The following RNF24 variants were observed in gnomAD, a reference collection of about 807,000 sequenced individuals.
RNF24 encodes the protein ring finger protein 24.
In RNF24, 14 loss-of-function variants were observed where a neutral mutation model predicts 20.0. That is an observed-to-expected ratio of 0.70 (90% CI 0.46 to 1.10). The LOEUF is 1.10. Among genes scored for constraint, RNF24 ranks in the 50% least tolerant of loss-of-function variants. The pLI, the probability that RNF24 is intolerant of heterozygous loss-of-function variation, is 0.00. For synonymous variants in RNF24, 45 were observed against 61.1 expected (o/e 0.74, Z 1.23); for missense variants, 124 against 177.6 (o/e 0.70, Z 1.71).
intron 1 of RNF24, among the ~76,000 whole-genome samples, chr20:4,008,653 TTC>T (rs751600255): frequency 2.7e-5 from 4 of 147,872 alleles, no homozygotes; most frequent in South Asian, 4.2e-4. Flanking sequence ...GTTCAAGCAA[TTC>T]TCTGTCTCAG....
intron 1 of RNF24, among the ~76,000 whole-genome samples, chr20:3,992,596 T>C (rs1327711938): frequency 1.3e-5 from 2 of 152,162 alleles, no homozygotes; most frequent in Non-Finnish European, 2.9e-5. Flanking sequence ...CAATTAGTTA[T>C]AGAATAATTT....
At chr20:3,964,751 C>G (rs1408749435) in intron 1 of RNF24, among the ~76,000 whole-genome samples, 1 of 152,108 alleles carries the variant, frequency 6.6e-6, no homozygotes, top group Non-Finnish European at 1.5e-5. Flanking sequence ...CTCGTGGGCT[C>G]AAGCAATCAT....
rs1391472591 is a variant in RNF24, at chr20:4,012,492, T to C, written c.-8+2945A>G. Among the ~76,000 whole-genome samples, 4 of 151,678 alleles carry C rather than the reference T, an allele frequency of 2.6e-5. No homozygotes were observed. In the East Asian group the frequency reaches 7.7e-4, roughly 29 times the overall value. Reference sequence around the variant, plus strand: ...AGAGAATGCTCAATGGAAAAATAAATTACTTTTTATTATGAGACATTACTG... The same window carrying C: ...AGAGAATGCTCAATGGAAAAATAAACTACTTTTTATTATGAGACATTACTG... On this transcript the variant is annotated intron_variant, in intron 1 of 5. Transcript: ENST00000358395.
intron 1 of RNF24, among the ~76,000 whole-genome samples, chr20:3,984,454 C>T (rs558317681): frequency 6.6e-6 from 1 of 152,174 alleles, no homozygotes; most frequent in East Asian, 1.9e-4. Flanking sequence ...TGAGCCTCAG[C>T]ACCTAAGCTG....
intron 2 of RNF24, among the ~76,000 whole-genome samples, chr20:3,958,085 T>C (rs1325040632): frequency 6.6e-6 from 1 of 152,220 alleles, no homozygotes; most frequent in Non-Finnish European, 1.5e-5. Context: ...GGGGCTGTGA[T>C]GTATGCAAGC....
Position 3,930,482 on chromosome 20 carries a change from A to G in RNF24, c.*3581T>C, listed in dbSNP as rs3746667. The G allele has an allele frequency of 0.035, 5,321 of 152,264 alleles. 257 individuals carry two copies. Among genetic ancestry groups the G allele is most frequent in the East Asian group, 0.24 (1,221 of 5,150 alleles). 9.4% of individuals were successfully genotyped at this position (152,264 alleles called of 1,614,324 possible). A position where few individuals can be genotyped will look rare whatever the true frequency, so the allele number is the denominator to read the frequency against. On this transcript the variant is annotated 3_prime_UTR_variant, in exon 6 of 6. Coordinates refer to ENST00000358395, the MANE Select transcript of RNF24 (RefSeq NM_001134337.3). ...CTCTGGGCACCAGCTAACCCCCACA[A>G]GAGGTGCCAGGGACGTTACTACAAT...
At chr20:3,986,815 A>AT (rs1032786442) in intron 1 of RNF24, among the ~76,000 whole-genome samples, 1 of 150,710 alleles carries the variant, frequency 6.6e-6, no homozygotes, top group Non-Finnish European at 1.5e-5. Context: ...TGCCCAGCTA[A>AT]TTTTTTTGCA....
At chr20:3,969,163 A>G (rs2091288894) in intron 1 of RNF24, among the ~76,000 whole-genome samples, 1 of 152,192 alleles carries the variant, frequency 6.6e-6, no homozygotes, top group African/African-American at 2.4e-5. Context: ...CACTTAGAAC[A>G]GTACCTGGGC....
chr20:3,975,306 C>CA (rs1600678794), intron 1 of RNF24, among the ~76,000 whole-genome samples: 1 of 151,908 alleles, frequency 6.6e-6, no homozygotes, highest in African/African-American at 2.4e-5. Flanking sequence ...GATACAGTTA[C>CA]AAAAAACCTA....
intron 1 of RNF24, among the ~76,000 whole-genome samples, chr20:4,007,445 GA>G (rs73616156): frequency 6.7e-6 from 1 of 150,106 alleles, no homozygotes; most frequent in Non-Finnish European, 1.5e-5. Context: ...TGTTTCAAAA[GA>G]AAAAAAAATC....
intron 1 of RNF24, among the ~76,000 whole-genome samples, chr20:3,992,144 T>C (rs114986359): frequency 3.0e-3 from 450 of 152,308 alleles, no homozygotes; most frequent in African/African-American, 1.0e-2. Flanking sequence ...TCAATAACAG[T>C]TGGCTTTTTA....
chr20:3,995,926 C>A (rs953041127), intron 1 of RNF24, among the ~76,000 whole-genome samples: 4 of 151,872 alleles, frequency 2.6e-5, no homozygotes, highest in Non-Finnish European at 5.9e-5. Context: ...TTTCATTAGC[C>A]CTGAAAGCTC....
chr20:3,984,644 T>C (rs887008994), intron 1 of RNF24, among the ~76,000 whole-genome samples: 1 of 152,234 alleles, frequency 6.6e-6, no homozygotes, highest in Non-Finnish European at 1.5e-5. Context: ...GGTTCAAAAA[T>C]CTTTTATCTT....
intron 2 of RNF24, among the ~76,000 whole-genome samples, chr20:3,950,054 C>T (rs2091064355): frequency 6.6e-6 from 1 of 152,194 alleles, no homozygotes. Flanking sequence ...CCCCACTGCA[C>T]TGCAGTGACA....
chr20:3,974,047 G>A (rs796256866), intron 1 of RNF24, among the ~76,000 whole-genome samples: 20 of 150,024 alleles, frequency 1.3e-4, no homozygotes, highest in Middle Eastern at 3.4e-3. Flanking sequence ...CAAGAGATGC[G>A]GGGCTGGCTT....
intron 4 of RNF24, among the ~76,000 whole-genome samples, chr20:3,940,954 T>G (rs2090947877): frequency 6.6e-6 from 1 of 152,178 alleles, no homozygotes. Context: ...GAAGGAAACT[T>G]GAAACACTGG....
intron 3 of RNF24, among the ~76,000 whole-genome samples, chr20:3,946,724 G>T (rs1352945117): frequency 6.7e-6 from 1 of 149,332 alleles, no homozygotes; most frequent in Non-Finnish European, 1.5e-5. Context: ...ATTATGATAG[G>T]ACTGAGACAA....
At chr20:3,983,455 A>G (rs999947096) in intron 1 of RNF24, among the ~76,000 whole-genome samples, 1 of 152,104 alleles carries the variant, frequency 6.6e-6, no homozygotes, top group African/African-American at 2.4e-5. Flanking sequence ...TTGCAGCCTA[A>G]CCTAGAAAAA....
chr20:3,990,956 A>G (rs1408975193), intron 1 of RNF24, among the ~76,000 whole-genome samples: 1 of 152,082 alleles, frequency 6.6e-6, no homozygotes, highest in African/African-American at 2.4e-5. Context: ...AAACAAAAAA[A>G]CAACACACAG....
Sources: gnomAD v4.1 joint callset for allele counts (sites outside exome capture counted in the v4.1 genomes callset) on GRCh38, gnomAD v4.1.1 for gene constraint, MANE v1.5 for transcripts, NCBI Gene and HGNC (gene_info 2026-07-23, HGNC 2026-07-21) for gene names.